Variants in RYR1 observed in about 807,000 individuals in gnomAD.
RYR1 encodes ryanodine receptor 1.
In RYR1, 342 loss-of-function variants were observed where a neutral mutation model predicts 583.5. The ratio of observed to expected loss-of-function variants is 0.59; its 90% CI spans 0.54 to 0.64. RYR1 has a LOEUF of 0.64. Ranked by LOEUF, RYR1 falls within the 30% of genes least tolerant of loss-of-function variation. RYR1 has a pLI of 0.00. For synonymous variants in RYR1, 2,791 were observed against 2,822.5 expected (o/e 0.99, Z 0.35); for missense variants, 6,032 against 6,917.2 (o/e 0.87, Z 4.54).
rs1055616744 is a variant in RYR1, at chr19:38,537,539, T to C, written c.11609-341T>C. 3.9e-5 allele frequency among the ~76,000 whole-genome samples: 6 copies of C among 152,130 alleles called. No homozygotes were observed. In the South Asian group the frequency reaches 8.3e-4, roughly 21 times the overall value. Reference sequence around the variant, plus strand: ...ACGGTCTGAAGGGGGGCTGAGGGCATTACCAGCTGCCTGAATGTCTGCTAG... The same window carrying C: ...ACGGTCTGAAGGGGGGCTGAGGGCACTACCAGCTGCCTGAATGTCTGCTAG... On this transcript the variant is annotated intron_variant, in intron 83 of 105. Transcript: ENST00000359596.
intron 89 of RYR1, among the ~76,000 whole-genome samples, chr19:38,552,439 A>G (rs891746749): frequency 1.3e-5 from 2 of 151,912 alleles, no homozygotes; most frequent in Non-Finnish European, 2.9e-5. Context: ...TTTTTAGTAG[A>G]GACGGGCTTC....
chr19:38,508,979 C>T (rs1238768924), intron 58 of RYR1, among the ~76,000 whole-genome samples: 1 of 152,026 alleles, frequency 6.6e-6, no homozygotes, highest in Non-Finnish European at 1.5e-5. Flanking sequence ...CTGGGGTGCC[C>T]CCCAGTGCCT....
In RYR1 at chr19:38,517,621, G is replaced by A; in HGVS notation, c.9948G>A (p.Leu3316=). 3 of 1,614,176 alleles carry A rather than the reference G, an allele frequency of 1.9e-6. No homozygotes were observed. The highest frequency in any genetic ancestry group is 2.5e-6 in the Non-Finnish European group (3 of 1,180,036). The change falls in exon 66 of 106, where the codon CTG becomes CTA. Residue 3316 remains leucine, a synonymous_variant. Coordinates refer to ENST00000359596, the MANE Select transcript of RYR1 (RefSeq NM_000540.3). ...AVTSDHLNSL[L]GNILRIIVNN... is the part of the protein sequence containing the mutation. ...CCTCTGACCACCTCAACTCCCTGCT[G>A]GGGAATATCCTGAGAATCATCGTCA...
intron 67 of RYR1, among the ~76,000 whole-genome samples, chr19:38,520,181 C>T (rs1228435202): frequency 3.3e-5 from 5 of 149,984 alleles, no homozygotes. Flanking sequence ...TTCAAGCGAT[C>T]CTCTGCTTCT....
Position 38,561,528 on chromosome 19 carries a change from C to A in RYR1, c.12624+74C>A. The A allele has an allele frequency of 7.0e-7, 1 of 1,431,582 alleles. No homozygotes were observed. The highest frequency in any genetic ancestry group is 9.5e-7 in the Non-Finnish European group (1 of 1,049,480). The allele number at this position is 1,431,582 out of a possible 1,614,324, so 88.7% of individuals were successfully genotyped here. ...TGCGGGTGCTCACTTCCTGCACCCT[C>A]AGACCCCACGGGGGCTGTGCGTGCC... On this transcript the variant is annotated intron_variant, in intron 90 of 105. Transcript: ENST00000359596. The surrounding 1 kb of genome is among the most constrained non-coding windows in gnomAD (Gnocchi z 4.8).
At chr19:38,498,960 C>T in intron 42 of RYR1, 148 bp from the exon 43 acceptor site, 8 of 1,015,786 alleles carry the variant, frequency 7.9e-6, no homozygotes, top group South Asian at 1.6e-5. Context: ...GTTTACAGGC[C>T]TCTGACAGGA....
rs952332885 is a variant in RYR1 at position 38,499,040 on chromosome 19, C to G, written c.6892-68C>G. 3.8e-6 allele frequency: 6 copies of G among 1,590,540 alleles called. No individual in the cohort carries two copies. Among genetic ancestry groups the G allele is most frequent in the Non-Finnish European group, 5.1e-6 (6 of 1,166,646 alleles). On this transcript the variant is annotated intron_variant, in intron 42 of 105. Transcript: ENST00000359596. This position sits in a 1 kb window ranked among gnomAD's most constrained non-coding sequence, Gnocchi z 7.3. The stretch of plus-strand genomic sequence containing the variant: ...AGCCGCAGGGCAGGGCAGGGCAGGG[C>G]AGAGGGCTGAGCCCCAGGAGGAAGG...
chr19:38,501,679 T>G lies in RYR1; in HGVS notation c.7614+689T>G, dbSNP rs8182482. Among the ~76,000 whole-genome samples the G allele has an allele frequency of 2.2e-4, 33 of 152,096 alleles. No homozygotes were observed. In the East Asian group the frequency reaches 3.3e-3, roughly 15 times the overall value. ...GCAGTTTCAGCAGGGGACAGAAGCC[T>G]TCCGAGAGGGGGTTTAAGAGAGCCT... On this transcript the variant is annotated intron_variant, in intron 47 of 105. Transcript: ENST00000359596.
At chr19:38,511,474 C>A in intron 60 of RYR1, 87 bp from the exon 61 acceptor site, 1 of 1,355,192 alleles carries the variant, frequency 7.4e-7, no homozygotes, top group Non-Finnish European at 1.1e-6. Flanking sequence ...CTGTCCCTGT[C>A]TCCTCTAATT....
chr19:38,528,491 G>C (rs1211976989), intron 74 of RYR1, 73 bp downstream of exon 74: 22 of 1,593,510 alleles, frequency 1.4e-5, no homozygotes, highest in Non-Finnish European at 1.8e-5. Context: ...GGAGAATGGA[G>C]GGCCAACGTG....
intron 23 of RYR1, among the ~76,000 whole-genome samples, chr19:38,465,490 C>T (rs1202239179): frequency 6.6e-6 from 1 of 151,320 alleles, no homozygotes; most frequent in African/African-American, 2.4e-5. Flanking sequence ...AAGAGCCGGG[C>T]TCAGTCGCTC....
intron 11 of RYR1, 74 bp from the exon 12 acceptor site, chr19:38,451,690 G>A: frequency 6.9e-6 from 11 of 1,593,560 alleles, no homozygotes; most frequent in Non-Finnish European, 8.6e-6. Context: ...CAGAACTCAA[G>A]TCTAGACAGA....
chr19:38,535,988 T>C lies in RYR1; in HGVS notation c.11517-9T>C, dbSNP rs1464714333. 1 of 1,613,142 alleles carries C rather than the reference T, an allele frequency of 6.2e-7. No homozygotes were observed. The highest frequency in any genetic ancestry group is 8.5e-7 in the Non-Finnish European group (1 of 1,179,744). ...CACATACCCCCTATCTTTCCTTTCTTTTCCTCAGCGTCCTGGATCTCAATG... is the reference window on the plus strand; with the variant it reads ...CACATACCCCCTATCTTTCCTTTCTCTTCCTCAGCGTCCTGGATCTCAATG... On this transcript the variant is annotated splice_polypyrimidine_tract_variant and intron_variant, in intron 81 of 105. Coordinates refer to ENST00000359596, the MANE Select transcript of RYR1 (RefSeq NM_000540.3).
rs17707979 is a variant in RYR1 at position 38,473,901 on chromosome 19, A to G, written c.4160+130A>G. The G allele has an allele frequency of 0.098, 66,794 of 678,516 alleles. 4,003 individuals carry two copies. Among genetic ancestry groups the G allele is most frequent in the South Asian group, 0.18 (8,960 of 50,006 alleles). The allele number at this position is 678,516 out of a possible 1,614,324, so 42.0% of individuals were successfully genotyped here. On this transcript the variant is annotated intron_variant, in intron 28 of 105. Coordinates refer to ENST00000359596, the MANE Select transcript of RYR1 (RefSeq NM_000540.3). The stretch of plus-strand genomic sequence containing the variant: ...CATATATGCTAAGTGGAGTAAGAAT[A>G]CCGAGAGATTCTATCATGTCTCCAA...
chr19:38,483,478 G>T lies in RYR1; in HGVS notation c.4896G>T (p.Pro1632=), dbSNP rs750941597. The change falls in exon 33 of 106, where the codon CCG becomes CCT. Residue 1632 remains proline (P), a synonymous_variant. Coordinates refer to ENST00000359596, the MANE Select transcript of RYR1 (RefSeq NM_000540.3). This position sits in a 1 kb window ranked among gnomAD's most constrained non-coding sequence, Gnocchi z 6.3. ...RLGWAVQCQE[P]LTMMALHIPE... Reference sequence around the variant, plus strand: ...GCTGGGCCGTGCAGTGCCAGGAGCCGCTGACCATGATGGCGCTGCACATCC... The same window carrying T: ...GCTGGGCCGTGCAGTGCCAGGAGCCTCTGACCATGATGGCGCTGCACATCC... 1.9e-6 allele frequency: 3 copies of T among 1,561,306 alleles called. No individual in the cohort carries two copies. The highest frequency in any genetic ancestry group is 2.6e-6 in the Non-Finnish European group (3 of 1,157,080).
At chr19:38,545,540 C>T (rs567103739) in intron 87 of RYR1, among the ~76,000 whole-genome samples, 7 of 152,152 alleles carry the variant, frequency 4.6e-5, no homozygotes, top group Non-Finnish European at 1.0e-4. Flanking sequence ...GGATCTGGCA[C>T]GGTGGCTCAT....
At position 38,437,649 on chromosome 19, in the gene RYR1, T is replaced by C. The variant is rs139719903; in HGVS notation, c.46-3096T>C. ...GGGCAACATAGGGAGACCTTGTCTT[T>C]ACAAAAAATGTTAAACTTTAGCTGG... On this transcript the variant is annotated intron_variant, in intron 1 of 105. Coordinates refer to ENST00000359596, the MANE Select transcript of RYR1 (RefSeq NM_000540.3). 5.0e-3 allele frequency among the ~76,000 whole-genome samples: 768 copies of C among 152,088 alleles called. 7 individuals carry two copies. The highest frequency in any genetic ancestry group is 0.018 in the African/African-American group (725 of 41,424).
chr19:38,507,642 G>T lies in RYR1; in HGVS notation c.8817-70G>T. 3 of 992,196 alleles carry T rather than the reference G, an allele frequency of 3.0e-6. No homozygotes were observed. In the South Asian group the frequency reaches 3.8e-5, roughly 13 times the overall value. The allele number at this position is 992,196 out of a possible 1,614,324, so 61.5% of individuals were successfully genotyped here. On this transcript the variant is annotated intron_variant, in intron 57 of 105. Coordinates refer to ENST00000359596, the MANE Select transcript of RYR1 (RefSeq NM_000540.3). Reference sequence around the variant, plus strand: ...AGACGGGGCCAGCAGGAGCAGAGGCGGACCTGAGAAGGGTGGGAAACTGTA... The same window carrying T: ...AGACGGGGCCAGCAGGAGCAGAGGCTGACCTGAGAAGGGTGGGAAACTGTA...
chr19:38,545,084 A>T (rs1006607731), intron 87 of RYR1, among the ~76,000 whole-genome samples: 4 of 152,076 alleles, frequency 2.6e-5, no homozygotes, highest in African/African-American at 9.7e-5. Context: ...GAAAAAAAAA[A>T]ACCTGAGATT....
Sources: gnomAD v4.1 joint callset for allele counts (sites outside exome capture counted in the v4.1 genomes callset) on GRCh38, gnomAD v4.1.1 for gene constraint, Gnocchi (gnomAD v3.1) non-coding constraint, MANE v1.5 for transcripts, NCBI Gene and HGNC (gene_info 2026-07-23, HGNC 2026-07-21) for gene names.